Variants in ASB5 observed in about 807,000 individuals in gnomAD.
ASB5 encodes ankyrin repeat and SOCS box protein 5.
A neutral mutation model predicts 42.1 loss-of-function variants in ASB5; 45 were observed. That is an observed-to-expected ratio of 1.07 (90% CI 0.84 to 1.37). ASB5 has a LOEUF of 1.37. Among genes scored for constraint, ASB5 ranks in the 40% most tolerant of loss-of-function variants. The pLI is 0.00. For missense variants in ASB5, 402 were observed against 399.8 expected (o/e 1.01, Z -0.05); for synonymous variants, 147 against 150.6 (o/e 0.98, Z 0.18).
At chr4:176,218,723 C>A (rs62653450) in intron 5 of ASB5, among the ~76,000 whole-genome samples, 12 of 9,276 alleles carry the variant, frequency 1.3e-3, no homozygotes, top group African/African-American at 2.4e-3. Flanking sequence ...ATGATATATA[C>A]ATTTGTATGA....
chr4:176,221,420 C>T (rs554899118), intron 4 of ASB5, 30 bp downstream of exon 4: 2 of 1,606,878 alleles, frequency 1.2e-6, no homozygotes, highest in East Asian at 4.5e-5. Context: ...AACTTTCTTC[C>T]CTTGTCACTT....
intron 1 of ASB5, among the ~76,000 whole-genome samples, chr4:176,248,867 G>A (rs1204148343): frequency 6.6e-6 from 1 of 152,204 alleles, no homozygotes; most frequent in Non-Finnish European, 1.5e-5. Context: ...GGTCTTGATG[G>A]GAGAAGGAGA....
intron 1 of ASB5, among the ~76,000 whole-genome samples, chr4:176,245,655 C>A (rs1219016157): frequency 6.6e-6 from 1 of 152,094 alleles, no homozygotes; most frequent in Non-Finnish European, 1.5e-5. Context: ...CCCAAATGTC[C>A]ATCAATGACA....
intron 1 of ASB5, among the ~76,000 whole-genome samples, chr4:176,225,706 C>T (rs1753358322): frequency 6.6e-6 from 1 of 152,172 alleles, no homozygotes; most frequent in Admixed American, 6.5e-5. Context: ...TATCCCGCCT[C>T]AGTTTCTCGA....
chr4:176,232,109 T>TTATA (rs993670414), intron 1 of ASB5, among the ~76,000 whole-genome samples: 25 of 140,710 alleles, frequency 1.8e-4, no homozygotes, highest in African/African-American at 2.6e-4. Context: ...CTTACCTATT[T>TTATA]TATATATATA....
At chr4:176,249,217 G>A (rs1019062384) in intron 1 of ASB5, among the ~76,000 whole-genome samples, 3 of 152,118 alleles carry the variant, frequency 2.0e-5, no homozygotes, top group African/African-American at 7.2e-5. Context: ...TCTGCCCGCC[G>A]CAGCCTCCCA....
chr4:176,273,206 A>G (rs1249964463), upstream of ASB5, among the ~76,000 whole-genome samples: 1 of 152,154 alleles, frequency 6.6e-6, no homozygotes, highest in African/African-American at 2.4e-5. Flanking sequence ...GGATACATTC[A>G]AACAGCAAGG....
intron 1 of ASB5, among the ~76,000 whole-genome samples, chr4:176,244,639 G>A (rs1753874069): frequency 6.6e-6 from 1 of 152,102 alleles, no homozygotes; most frequent in Non-Finnish European, 1.5e-5. Flanking sequence ...GTTGGGCCTG[G>A]TGGTTCACAC....
chr4:176,266,592 G>A (rs6841344), intron 1 of ASB5, among the ~76,000 whole-genome samples: 1 of 151,940 alleles, frequency 6.6e-6, no homozygotes, highest in East Asian at 1.9e-4. Flanking sequence ...GTTTTATAAG[G>A]TACCTGATTT....
At chr4:176,260,206 G>C (rs11940931) in intron 1 of ASB5, among the ~76,000 whole-genome samples, 1 of 152,042 alleles carries the variant, frequency 6.6e-6, no homozygotes, top group South Asian at 2.1e-4. Context: ...TGTTCTGTTC[G>C]AAAGGGGGAA....
Position 176,221,511 on chromosome 4 carries a change from A to G in ASB5, c.474T>C (p.Tyr158=), listed in dbSNP as rs1561252385. ...SPSCAELLLE[Y]GAKAQLESCL... ...ATGACTCCAGCTGGGCTTTGGCACC[A>G]TACTCCAGAAGCAGCTCTGCACAGC... Residue 158 remains tyrosine, a synonymous_variant, in exon 4 of 7, where the codon TAT becomes TAC. Transcript: ENST00000296525. 2.5e-6 allele frequency: 4 copies of G among 1,614,190 alleles called. No individual in the cohort carries two copies. Among genetic ancestry groups the G allele is most frequent in the Non-Finnish European group, 3.4e-6 (4 of 1,180,024 alleles).
intron 1 of ASB5, chr4:176,241,487 G>A (rs1753811038): frequency 6.5e-7 from 1 of 1,535,472 alleles, no homozygotes; most frequent in East Asian, 2.4e-5. Context: ...TTCCACCATT[G>A]CAAAGAGGCA....
At chr4:176,271,985 C>T (rs1359559166), upstream of ASB5, among the ~76,000 whole-genome samples, 1 of 151,860 alleles carries the variant, frequency 6.6e-6, no homozygotes, top group Admixed American at 6.6e-5. Flanking sequence ...CCCCCACCCA[C>T]GACACACACA....
At chr4:176,269,641 A>AT (rs1443446427), upstream of ASB5, among the ~76,000 whole-genome samples, 1 of 85,072 alleles carries the variant, frequency 1.2e-5, no homozygotes, top group East Asian at 2.5e-4. Context: ...ATTTTTACTG[A>AT]TTTAAAAAAA....
chr4:176,250,449 G>A (rs1178223778), intron 1 of ASB5, among the ~76,000 whole-genome samples: 1 of 152,200 alleles, frequency 6.6e-6, no homozygotes, highest in Non-Finnish European at 1.5e-5. Context: ...AGAGTGTGCT[G>A]GCAAAGTGTG....
intron 2 of ASB5, among the ~76,000 whole-genome samples, chr4:176,275,469 C>A (rs78151727): frequency 0.066 from 10,095 of 152,216 alleles, 459 homozygotes; most frequent in Middle Eastern, 0.12. Context: ...TAAACATGTT[C>A]TTATTAGACT....
chr4:176,265,369 G>C (rs951468448), intron 1 of ASB5, among the ~76,000 whole-genome samples: 12 of 152,122 alleles, frequency 7.9e-5, no homozygotes, highest in African/African-American at 2.4e-4. Context: ...TCATTCTTTA[G>C]AGTCATTTGG....
intron 5 of ASB5, among the ~76,000 whole-genome samples, chr4:176,219,210 CAG>C (rs1491331080): frequency 6.9e-4 from 77 of 111,848 alleles, no homozygotes; most frequent in Non-Finnish European, 8.7e-4. Flanking sequence ...ATTTGTATGA[CAG>C]ATAAATATAT....
At chr4:176,219,924 G>T (rs919319111) in intron 5 of ASB5, among the ~76,000 whole-genome samples, 1 of 152,020 alleles carries the variant, frequency 6.6e-6, no homozygotes, top group African/African-American at 2.4e-5. Context: ...AGGCTCTAAA[G>T]CAGGGGTGTC....
Sources: allele counts gnomAD v4.1 joint callset (sites outside exome capture counted in the v4.1 genomes callset), GRCh38; gene constraint gnomAD v4.1.1; transcripts MANE v1.5; gene names NCBI Gene and HGNC (gene_info 2026-07-23, HGNC 2026-07-21).